The following RALGPS2 variants were observed in gnomAD, a reference collection of about 807,000 sequenced individuals.
The protein encoded by RALGPS2 is Ral GEF with PH domain and SH3 binding motif 2.
Under a neutral mutation model 86.8 loss-of-function variants are expected in RALGPS2, and 43 were observed. That is an observed-to-expected ratio of 0.50 (90% CI 0.39 to 0.64). The LOEUF is 0.64. Ranked by LOEUF, RALGPS2 falls within the 30% of genes least tolerant of loss-of-function variation. The pLI is 0.00. For missense variants in RALGPS2, 536 were observed against 694.6 expected (o/e 0.77, Z 2.57); for synonymous variants, 243 against 231.3 (o/e 1.05, Z -0.46).
chr1:178,765,296 A>G (rs914040803), intron 1 of RALGPS2, among the ~76,000 whole-genome samples: 3 of 152,106 alleles, frequency 2.0e-5, no homozygotes, highest in Admixed American at 6.6e-5. Flanking sequence ...AGTCTGAGAA[A>G]TAAAGGGAAA....
chr1:178,738,019 A>G (rs1292973369), intron 1 of RALGPS2, among the ~76,000 whole-genome samples: 2 of 151,878 alleles, frequency 1.3e-5, no homozygotes, highest in African/African-American at 2.4e-5. Flanking sequence ...GGCTCAAGTA[A>G]TCCTCTTGCC....
rs141712917 is a variant in RALGPS2, at chr1:178,760,846, G to A, written c.-83-15836G>A. Among the ~76,000 whole-genome samples, 163 of 152,172 alleles carry A rather than the reference G, an allele frequency of 1.1e-3. 1 individual carries two copies. In the East Asian group the frequency reaches 0.026, roughly 24 times the overall value. Reference sequence around the variant, plus strand: ...GATATCTATCTCTTTAGCAAGATTAGGGAAATTTTCTTGAATTATTTTCTC... The same window carrying A: ...GATATCTATCTCTTTAGCAAGATTAAGGAAATTTTCTTGAATTATTTTCTC... On this transcript the variant is annotated intron_variant, in intron 1 of 19. Transcript: ENST00000367635.
chr1:178,845,912 G>A (rs1238927505), intron 8 of RALGPS2, among the ~76,000 whole-genome samples: 1 of 152,088 alleles, frequency 6.6e-6, no homozygotes, highest in Non-Finnish European at 1.5e-5. Flanking sequence ...ATTGCCTTGT[G>A]CCTTACATTG....
chr1:178,823,823 C>T (rs1343443965), intron 7 of RALGPS2, among the ~76,000 whole-genome samples: 1 of 152,088 alleles, frequency 6.6e-6, no homozygotes, highest in East Asian at 1.9e-4. Flanking sequence ...AGTAAACATC[C>T]ATGTGAAATG....
intron 8 of RALGPS2, among the ~76,000 whole-genome samples, chr1:178,876,718 A>G (rs916749845): frequency 3.9e-5 from 6 of 152,172 alleles, no homozygotes; most frequent in Non-Finnish European, 7.4e-5. Flanking sequence ...TAGTTGTCTA[A>G]TACATTTCAC....
At chr1:178,770,827 A>ATGT (rs1358741548) in intron 1 of RALGPS2, among the ~76,000 whole-genome samples, 2 of 138,630 alleles carry the variant, frequency 1.4e-5, no homozygotes, top group African/African-American at 5.4e-5. Flanking sequence ...AAGTTTTTTT[A>ATGT]TGTTGTTGTT....
At position 178,796,367 on chromosome 1, in the gene RALGPS2, G is replaced by A. The variant is rs566366215; in HGVS notation, c.213+10760G>A. Among the ~76,000 whole-genome samples, 4 of 152,290 alleles carry A rather than the reference G, an allele frequency of 2.6e-5. No homozygotes were observed. The East Asian group carries it at 5.8e-4, about 22-fold the overall frequency. ...ATAGGAATAGTAGTGAGCACTTCAT[G>A]TGTGACTGAGACTTCTTTGTAGATA... On this transcript the variant is annotated intron_variant, in intron 4 of 19. Transcript: ENST00000367635.
At position 178,917,015 on chromosome 1, in the gene RALGPS2, T is replaced by A. The variant is rs1408067765; in HGVS notation, c.*656T>A. ...GTTTTGGATGAGGGGAGAATTTTTT[T>A]AAACACTAAACTTCTGAAATGTAGT... On this transcript the variant is annotated 3_prime_UTR_variant, in exon 20 of 20. Coordinates refer to ENST00000367635, the MANE Select transcript of RALGPS2 (RefSeq NM_152663.5). 6.6e-6 allele frequency: 1 copy of A among 152,214 alleles called. No homozygotes were observed. The highest frequency in any genetic ancestry group is 1.5e-5 in the Non-Finnish European group (1 of 68,046). 9.4% of individuals were successfully genotyped at this position (152,214 alleles called of 1,614,324 possible).
intron 2 of RALGPS2, among the ~76,000 whole-genome samples, chr1:178,781,824 A>C (rs1466487800): frequency 2.0e-5 from 3 of 152,192 alleles, no homozygotes; most frequent in African/African-American, 7.2e-5. Flanking sequence ...TATGAAAAAA[A>C]TGTTTTATTA....
In RALGPS2 at chr1:178,916,788, T is replaced by C. The variant is rs1660832259; in HGVS notation, c.*429T>C. 1 of 157,250 alleles carries C rather than the reference T, an allele frequency of 6.4e-6. No individual in the cohort carries two copies. Among genetic ancestry groups the C allele is most frequent in the Middle Eastern group, 3.1e-3 (1 of 322 alleles). 9.7% of individuals were successfully genotyped at this position (157,250 alleles called of 1,614,324 possible). ...TGCTTTAAAAAGGAAAAACATACTC[T>C]TGTGGATTCCATCAGGAGCTGGTTT... On this transcript the variant is annotated 3_prime_UTR_variant, in exon 20 of 20. Coordinates refer to ENST00000367635, the MANE Select transcript of RALGPS2 (RefSeq NM_152663.5).
intron 1 of RALGPS2, among the ~76,000 whole-genome samples, chr1:178,745,822 C>CT (rs34277622): frequency 0.044 from 3,746 of 85,760 alleles, 169 homozygotes; most frequent in African/African-American, 0.1. Flanking sequence ...TTCAATTCTT[C>CT]TTTTTTTTTT....
chr1:178,897,168 CA>C (rs1659986628), intron 16 of RALGPS2, among the ~76,000 whole-genome samples: 1 of 151,558 alleles, frequency 6.6e-6, no homozygotes. Flanking sequence ...TTTATGCAGC[CA>C]AAAAACACAT....
intron 8 of RALGPS2, among the ~76,000 whole-genome samples, chr1:178,877,237 A>G (rs1215121818): frequency 6.6e-6 from 1 of 152,108 alleles, no homozygotes; most frequent in Non-Finnish European, 1.5e-5. Flanking sequence ...GCCTCAAACT[A>G]TACTTGAAAA....
At chr1:178,889,586 T>A in intron 13 of RALGPS2, 56 bp from the exon 14 acceptor site, 2 of 1,157,796 alleles carry the variant, frequency 1.7e-6, no homozygotes, top group Admixed American at 3.7e-5. Context: ...CATTGTGAAA[T>A]GCAAACTAGA....
intron 18 of RALGPS2, among the ~76,000 whole-genome samples, chr1:178,904,704 A>G (rs111428744): frequency 2.0e-5 from 3 of 152,142 alleles, no homozygotes; most frequent in Non-Finnish European, 4.4e-5. Context: ...CCATTGGTCT[A>G]TGTGCCTATT....
intron 4 of RALGPS2, among the ~76,000 whole-genome samples, chr1:178,799,089 G>C (rs1654341640): frequency 6.6e-6 from 1 of 152,168 alleles, no homozygotes. Flanking sequence ...ACCCAAGCTA[G>C]AGTGCAGTGG....
At chr1:178,891,504 T>C in intron 14 of RALGPS2, among the ~76,000 whole-genome samples, 1 of 152,146 alleles carries the variant, frequency 6.6e-6, no homozygotes, top group East Asian at 1.9e-4. Context: ...ATTGTTTAAG[T>C]TGCTAAAATA....
chr1:178,775,210 A>G lies in RALGPS2; in HGVS notation c.-83-1472A>G, dbSNP rs573367246. ...CAACTCTATGAAGTAGGTACTTATT[A>G]TCCCTATTTTATAGATGAGAAAACT... On this transcript the variant is annotated intron_variant, in intron 1 of 19. Coordinates refer to ENST00000367635, the MANE Select transcript of RALGPS2 (RefSeq NM_152663.5). 7.2e-5 allele frequency among the ~76,000 whole-genome samples: 11 copies of G among 152,252 alleles called. No homozygotes were observed. The South Asian group carries it at 2.3e-3, about 32-fold the overall frequency.
At chr1:178,864,389 G>A (rs1192700273) in intron 8 of RALGPS2, among the ~76,000 whole-genome samples, 2 of 152,070 alleles carry the variant, frequency 1.3e-5, no homozygotes, top group Non-Finnish European at 2.9e-5. Context: ...AAGAAGGCAT[G>A]GCTTTTGTAC....
Sources: allele counts gnomAD v4.1 joint callset (sites outside exome capture counted in the v4.1 genomes callset), GRCh38; gene constraint gnomAD v4.1.1; transcripts MANE v1.5; gene names NCBI Gene and HGNC (gene_info 2026-07-23, HGNC 2026-07-21).